The following GALNT13 variants were observed in gnomAD, a reference collection of about 807,000 sequenced individuals.
GALNT13 encodes UDP-GalNAc:polypeptide N-acetylgalactosaminyltransferase 13.
GALNT13 carries 28 observed loss-of-function variants against 64.2 expected under a neutral mutation model. The observed-to-expected ratio is 0.44, with a 90% confidence interval of 0.32 to 0.60. The LOEUF is 0.60. Ranked by LOEUF, GALNT13 falls within the 20% of genes least tolerant of loss-of-function variation. The pLI, the probability that GALNT13 is intolerant of heterozygous loss-of-function variation, is 0.05. For synonymous variants in GALNT13, 214 were observed against 224.6 expected, an observed-to-expected ratio of 0.95 and a Z score of 0.42; for missense variants, 577 against 669.8, an observed-to-expected ratio of 0.86 and a Z score of 1.53.
At chr2:153,709,623 A>T in the GALNT13 span, among the ~76,000 whole-genome samples, 2 of 152,050 alleles carry the variant, frequency 1.3e-5, no homozygotes, top group Non-Finnish European at 2.9e-5. Flanking sequence ...CATATGATTC[A>T]GCAATCTCAC....
At chr2:153,944,772 C>G in intron 3 of GALNT13, 133 bp downstream of exon 3, 2 of 646,050 alleles carry the variant, frequency 3.1e-6, no homozygotes, top group Non-Finnish European at 5.2e-6. Context: ...ACTATTAATG[C>G]ATGTTTAACC....
the GALNT13 span, among the ~76,000 whole-genome samples, chr2:153,407,144 G>A: frequency 6.6e-6 from 1 of 151,940 alleles, no homozygotes; most frequent in African/African-American, 2.4e-5. Flanking sequence ...CTCATAACTT[G>A]CAGTATCAAC....
intron 3 of GALNT13, among the ~76,000 whole-genome samples, chr2:153,990,569 T>A (rs1695093896): frequency 6.6e-6 from 1 of 152,194 alleles, no homozygotes; most frequent in Non-Finnish European, 1.5e-5. Context: ...TACAAGGGAA[T>A]TACGCTCTTT....
chr2:153,797,717 C>T, the GALNT13 span, among the ~76,000 whole-genome samples: 4 of 152,238 alleles, frequency 2.6e-5, no homozygotes, highest in East Asian at 5.8e-4. Context: ...CATCTTTAGA[C>T]AAGAAGCTTT....
chr2:154,306,302 A>G (rs1207848338), intron 9 of GALNT13, among the ~76,000 whole-genome samples: 1 of 150,582 alleles, frequency 6.6e-6, no homozygotes, highest in African/African-American at 2.4e-5. Context: ...CCCTCCCCTA[A>G]CCCCCAACCC....
At chr2:153,793,888 G>C in the GALNT13 span, among the ~76,000 whole-genome samples, 2 of 152,078 alleles carry the variant, frequency 1.3e-5, no homozygotes, top group Non-Finnish European at 2.9e-5. Flanking sequence ...ACTCTAGAAA[G>C]CTGGTGGTCA....
At chr2:153,964,508 T>A (rs1465517851) in intron 3 of GALNT13, among the ~76,000 whole-genome samples, 1 of 152,190 alleles carries the variant, frequency 6.6e-6, no homozygotes, top group Non-Finnish European at 1.5e-5. Flanking sequence ...TACATTTCTC[T>A]GTTACTAATA....
At chr2:153,094,968 A>G in the GALNT13 span, among the ~76,000 whole-genome samples, 5 of 152,230 alleles carry the variant, frequency 3.3e-5, no homozygotes, top group African/African-American at 1.2e-4. Context: ...CATTCAGGAC[A>G]TAGGCATGGG....
chr2:154,405,166 G>C (rs575630624), intron 10 of GALNT13, among the ~76,000 whole-genome samples: 63 of 151,924 alleles, frequency 4.1e-4, no homozygotes, highest in Middle Eastern at 3.4e-3. Context: ...ATATAGAAAA[G>C]AACAACATAA....
At chr2:154,027,665 A>T (rs776823005) in intron 3 of GALNT13, among the ~76,000 whole-genome samples, 14 of 152,194 alleles carry the variant, frequency 9.2e-5, no homozygotes, top group Non-Finnish European at 1.8e-4. Flanking sequence ...AAGGAAATAT[A>T]TTAAAGTCAT....
At chr2:153,158,609 T>C in the GALNT13 span, among the ~76,000 whole-genome samples, 5 of 151,904 alleles carry the variant, frequency 3.3e-5, no homozygotes, top group Non-Finnish European at 5.9e-5. Context: ...ATGATGGGAG[T>C]TGAATCTGTG....
chr2:153,933,214 T>C (rs749827817), intron 2 of GALNT13, among the ~76,000 whole-genome samples: 31 of 152,184 alleles, frequency 2.0e-4, no homozygotes, highest in Non-Finnish European at 3.8e-4. Flanking sequence ...ATACTGTTGG[T>C]TGGGTGTTGA....
the GALNT13 span, among the ~76,000 whole-genome samples, chr2:153,823,641 T>C: frequency 6.6e-6 from 1 of 152,222 alleles, no homozygotes; most frequent in Non-Finnish European, 1.5e-5. Flanking sequence ...AATACTTAAA[T>C]GTAAGACATA....
chr2:153,495,452 G>A, the GALNT13 span, among the ~76,000 whole-genome samples: 1 of 152,120 alleles, frequency 6.6e-6, no homozygotes, highest in African/African-American at 2.4e-5. Flanking sequence ...TACAATAATA[G>A]TAGCTTACAT....
the GALNT13 span, among the ~76,000 whole-genome samples, chr2:153,702,580 A>G: frequency 6.6e-6 from 1 of 152,178 alleles, no homozygotes; most frequent in Non-Finnish European, 1.5e-5. Flanking sequence ...TTAGACAACA[A>G]GATCGATTGA....
At chr2:153,957,068 T>G (rs951339209) in intron 3 of GALNT13, among the ~76,000 whole-genome samples, 2 of 152,216 alleles carry the variant, frequency 1.3e-5, no homozygotes, top group Middle Eastern at 3.2e-3. Context: ...CTTTGACTAG[T>G]CATTTAATTT....
chr2:153,645,851 A>G, the GALNT13 span, among the ~76,000 whole-genome samples: 1 of 152,106 alleles, frequency 6.6e-6, no homozygotes, highest in Non-Finnish European at 1.5e-5. Flanking sequence ...AGAGGGTTAC[A>G]GAGCAGCAGG....
chr2:153,238,754 A>G, the GALNT13 span, among the ~76,000 whole-genome samples: 7 of 152,044 alleles, frequency 4.6e-5, no homozygotes, highest in Non-Finnish European at 7.4e-5. Flanking sequence ...GCTCTGCAGT[A>G]TAATTTGAAG....
chr2:153,480,570 T>C, the GALNT13 span, among the ~76,000 whole-genome samples: 3 of 152,290 alleles, frequency 2.0e-5, no homozygotes, highest in South Asian at 6.2e-4. Flanking sequence ...TTATTAATAA[T>C]TGATAAGTAA....
Sources: allele counts gnomAD v4.1 joint callset (sites outside exome capture counted in the v4.1 genomes callset), GRCh38; gene constraint gnomAD v4.1.1; transcripts MANE v1.5; gene names NCBI Gene and HGNC (gene_info 2026-07-23, HGNC 2026-07-21).